B3GNT3: variants seen among roughly 807,000 people sequenced by gnomAD.
The protein encoded by B3GNT3 is N-acetyllactosaminide beta-1,3-N-acetylglucosaminyltransferase 3.
B3GNT3 carries 7 observed loss-of-function variants against 11.6 expected under a neutral mutation model. That is an observed-to-expected ratio of 0.60 (90% CI 0.34 to 1.13). The LOEUF (loss-of-function observed/expected upper bound fraction) is 1.13. Among genes scored for constraint, B3GNT3 ranks in the 50% most tolerant of loss-of-function variants. The pLI is 0.03. For missense variants in B3GNT3, 400 were observed against 507.4 expected (o/e 0.79, Z 2.03); for synonymous variants, 201 against 222.1 (o/e 0.90, Z 0.85).
chr19:17,803,285 C>T lies in B3GNT3; in HGVS notation c.-50-4473C>T, dbSNP rs539889661. On this transcript the variant is annotated intron_variant, in intron 1 of 2. Transcript: ENST00000318683. ...CCTCCCAAAGTACCGGGATTACAGACGTGGGCCACAGCTCCCGGCCATGTT... is the reference window on the plus strand; with the variant it reads ...CCTCCCAAAGTACCGGGATTACAGATGTGGGCCACAGCTCCCGGCCATGTT... Among the ~76,000 whole-genome samples, 29 of 152,236 alleles carry T rather than the reference C, an allele frequency of 1.9e-4. No homozygotes were observed. The South Asian group carries it at 5.4e-3, about 28-fold the overall frequency.
intron 1 of B3GNT3, among the ~76,000 whole-genome samples, chr19:17,801,348 A>T (rs907578223): frequency 2.0e-5 from 3 of 150,978 alleles, no homozygotes; most frequent in African/African-American, 7.3e-5. Context: ...GCACACCACC[A>T]TGCCCGGCTA....
chr19:17,797,934 C>A (rs1282319492), intron 1 of B3GNT3, among the ~76,000 whole-genome samples: 1 of 152,184 alleles, frequency 6.6e-6, no homozygotes, highest in Non-Finnish European at 1.5e-5. Flanking sequence ...TGGTGAGGAA[C>A]CACCCACAGG....
Position 17,806,267 on chromosome 19 carries a change from C to T in B3GNT3, c.-50-1491C>T, listed in dbSNP as rs60343973. Among the ~76,000 whole-genome samples, 945 of 151,972 alleles carry T rather than the reference C, an allele frequency of 6.2e-3. 8 individuals are homozygous for T. Among genetic ancestry groups the T allele is most frequent in the African/African-American group, 0.022 (910 of 41,440 alleles). On this transcript the variant is annotated intron_variant, in intron 1 of 2. Transcript: ENST00000318683. ...AAGTGTTGGGATTATGGGTGTGAGC[C>T]ACTGCGCCCAGCCTAATTTTTGTGT...
At chr19:17,808,932 T>C (rs1006940860) in intron 2 of B3GNT3, among the ~76,000 whole-genome samples, 20 of 152,024 alleles carry the variant, frequency 1.3e-4, no homozygotes, top group Admixed American at 6.6e-5. Flanking sequence ...CACCTCCTGG[T>C]TTCCGGCGAT....
Position 17,808,107 on chromosome 19 carries a change from C to A in B3GNT3, c.300C>A (p.Pro100=). The A allele has an allele frequency of 1.9e-6, 3 of 1,613,912 alleles. No individual in the cohort carries two copies. Among genetic ancestry groups the A allele is most frequent in the African/African-American group, 1.3e-5 (1 of 75,024 alleles). The part of the protein sequence containing the change: ...RHFPLLQDVP[P]SKCAQPVFLL... ...TTCCCCTGCTGCAGGACGTGCCCCC[C>A]TCTAAGTGCGCGCAGCCGGTCTTCC... Residue 100 remains proline (P), a synonymous_variant, in exon 2 of 3, where the codon CCC becomes CCA. Coordinates refer to ENST00000318683, the MANE Select transcript of B3GNT3 (RefSeq NM_014256.4).
intron 1 of B3GNT3, among the ~76,000 whole-genome samples, chr19:17,798,158 C>T (rs1211167245): frequency 6.6e-6 from 1 of 152,244 alleles, no homozygotes; most frequent in East Asian, 1.9e-4. Context: ...GGAGTTTCTT[C>T]ACCCCTAGAG....
intron 2 of B3GNT3, among the ~76,000 whole-genome samples, chr19:17,809,157 C>G (rs1039744929): frequency 6.6e-6 from 1 of 151,990 alleles, no homozygotes; most frequent in African/African-American, 2.4e-5. Context: ...TTATTTGTTC[C>G]GGTTCTGTCT....
rs1238942820 is a variant in B3GNT3 at position 17,812,790 on chromosome 19, G to A, written c.*668G>A. The A allele has an allele frequency of 6.6e-6, 1 of 152,426 alleles. No homozygotes were observed. Among genetic ancestry groups the A allele is most frequent in the Non-Finnish European group, 1.5e-5 (1 of 68,252 alleles). 9.4% of individuals were successfully genotyped at this position (152,426 alleles called of 1,614,324 possible). On this transcript the variant is annotated 3_prime_UTR_variant, in exon 3 of 3. Coordinates refer to ENST00000318683, the MANE Select transcript of B3GNT3 (RefSeq NM_014256.4). Reference sequence around the variant, plus strand: ...CTCAGAGTTTCTGGGGTCCTCATTAGGAGCCCCCATCCCTGTGTTCCCCAA... The same window carrying A: ...CTCAGAGTTTCTGGGGTCCTCATTAAGAGCCCCCATCCCTGTGTTCCCCAA...
intron 1 of B3GNT3, among the ~76,000 whole-genome samples, chr19:17,799,088 T>C (rs191017770): frequency 1.7e-4 from 26 of 152,254 alleles, no homozygotes; most frequent in Non-Finnish European, 3.7e-4. Context: ...CTCAAATCCG[T>C]ATGTAGTCAA....
intron 1 of B3GNT3, among the ~76,000 whole-genome samples, chr19:17,795,797 CA>C (rs1568388774): frequency 6.6e-6 from 1 of 152,094 alleles, no homozygotes; most frequent in Admixed American, 6.6e-5. Context: ...AGCGTTTAGT[CA>C]AAGGAAATTT....
At chr19:17,803,009 AT>A (rs71164307) in intron 1 of B3GNT3, among the ~76,000 whole-genome samples, 48,862 of 146,216 alleles carry the variant, frequency 0.33, 8,042 homozygotes, top group African/African-American at 0.35. Flanking sequence ...GTGTTAAAGG[AT>A]TTTTTTTTTT....
rs1056264004 is a variant in B3GNT3, at chr19:17,808,492, G to A, written c.567+118G>A. 11 of 1,097,308 alleles carry A rather than the reference G, an allele frequency of 1.0e-5. No individual in the cohort carries two copies. In the African/African-American group the frequency reaches 1.7e-4, roughly 17 times the overall value. The allele number at this position is 1,097,308 out of a possible 1,614,324, so 68.0% of individuals were successfully genotyped here. A position where few individuals can be genotyped will look rare whatever the true frequency, so the allele number is the denominator to read the frequency against. On this transcript the variant is annotated intron_variant, in intron 2 of 2. Transcript: ENST00000318683. ...TCGTCAGTCCATCACAGCCCATTCT[G>A]CCCCTCTGCTGTCCTCACCAGCCTC... is the stretch of plus-strand genomic sequence containing the variant.
In B3GNT3 at chr19:17,808,322, A is replaced by T. The variant is rs1661275528; in HGVS notation, c.515A>T (p.Asp172Val). The change falls in exon 2 of 3, where the codon GAC becomes GTC. Residue 172 changes from aspartate to valine, a missense_variant. Asp to Val is a radical substitution (Grantham distance 152). Transcript: ENST00000318683. Reference sequence around the variant, plus strand: ...GAGCTGGAGGCACAGACTCACGGAGACATCCTGCAGTGGGACTTCCACGAC... The same window carrying T: ...GAGCTGGAGGCACAGACTCACGGAGTCATCCTGCAGTGGGACTTCCACGAC... ...LLELEAQTHG[D>V]ILQWDFHDSF... 6.2e-7 allele frequency: 1 copy of T among 1,612,392 alleles called. No individual in the cohort carries two copies. Among genetic ancestry groups the T allele is most frequent in the South Asian group, 1.1e-5 (1 of 91,034 alleles).
chr19:17,806,821 G>A (rs145783428), intron 1 of B3GNT3, among the ~76,000 whole-genome samples: 4 of 151,948 alleles, frequency 2.6e-5, no homozygotes, highest in East Asian at 1.9e-4. Flanking sequence ...GCGTGGTGGC[G>A]CGTGCCTGTA....
At chr19:17,803,607 C>T (rs1378100949) in intron 1 of B3GNT3, among the ~76,000 whole-genome samples, 1 of 152,040 alleles carries the variant, frequency 6.6e-6, no homozygotes, top group African/African-American at 2.4e-5. Context: ...CTGGTGGCAC[C>T]GTGTCTGGCT....
At chr19:17,798,398 T>C (rs2094161937) in intron 1 of B3GNT3, among the ~76,000 whole-genome samples, 1 of 151,922 alleles carries the variant, frequency 6.6e-6, no homozygotes, top group South Asian at 2.1e-4. Context: ...TGGCTGGGCG[T>C]GGTGGCTAAC....
intron 1 of B3GNT3, among the ~76,000 whole-genome samples, chr19:17,797,582 G>C (rs1320418799): frequency 6.6e-6 from 1 of 152,142 alleles, no homozygotes; most frequent in Non-Finnish European, 1.5e-5. Context: ...TTCCTGCAAT[G>C]GGGTAGGGCT....
rs1042813478 is a variant in B3GNT3, at chr19:17,811,967, G to A, written c.964G>A (p.Val322Met). The A allele has an allele frequency of 2.6e-5, 42 of 1,608,252 alleles. No homozygotes were observed. The highest frequency in any genetic ancestry group is 3.4e-5 in the Non-Finnish European group (40 of 1,180,026). Residue 322 changes from valine (V) to methionine (M), a missense_variant, in exon 3 of 3, where the codon GTG becomes ATG. Transcript: ENST00000318683. The surrounding 1 kb of genome is among the most constrained non-coding windows in gnomAD (Gnocchi z 4.1). ...ASHSGIRTSG[V>M]RAPSQRLSSF... ...CCACAGCGGCATCCGCACGTCTGGC[G>A]TGCGGGCTCCATCGCAACGCCTGTC...
chr19:17,804,992 G>A (rs1196991852), intron 1 of B3GNT3, among the ~76,000 whole-genome samples: 1 of 151,924 alleles, frequency 6.6e-6, no homozygotes, highest in Admixed American at 6.6e-5. Context: ...GACTACAGGT[G>A]TACACCACCA....
Sources: gnomAD v4.1 joint callset for allele counts (sites outside exome capture counted in the v4.1 genomes callset) on GRCh38, gnomAD v4.1.1 for gene constraint, Gnocchi (gnomAD v3.1) non-coding constraint, MANE v1.5 for transcripts, NCBI Gene and HGNC (gene_info 2026-07-23, HGNC 2026-07-21) for gene names.